ZNF280D: variants seen among roughly 807,000 people sequenced by gnomAD.
The protein encoded by ZNF280D is zinc finger protein 280D.
In ZNF280D, 39 loss-of-function variants were observed where a neutral mutation model predicts 94.7. The observed-to-expected ratio is 0.41, with a 90% CI of 0.32 to 0.54. The LOEUF (loss-of-function observed/expected upper bound fraction) is 0.54, where lower values mean the gene tolerates loss of function less well. Ranked by LOEUF, ZNF280D falls within the 20% of genes least tolerant of loss-of-function variation. The pLI is 0.22. For synonymous variants in ZNF280D, 398 were observed against 377.6 expected, an observed-to-expected ratio of 1.05 and a Z score of -0.63; for missense variants, 1,090 against 1,149.3, an observed-to-expected ratio of 0.95 and a Z score of 0.75.
At chr15:56,679,354 A>G (rs1231594878) in intron 10 of ZNF280D, among the ~76,000 whole-genome samples, 1 of 152,214 alleles carries the variant, frequency 6.6e-6, no homozygotes, top group East Asian at 1.9e-4. Context: ...TAGTATTTTT[A>G]CTTGTATCTT....
At chr15:56,660,201 TG>T (rs1209589813) in intron 16 of ZNF280D, among the ~76,000 whole-genome samples, 1 of 152,152 alleles carries the variant, frequency 6.6e-6, no homozygotes, top group Non-Finnish European at 1.5e-5. Flanking sequence ...TCCAAGATTT[TG>T]TTTGATTACT....
rs1362946452 is a variant in ZNF280D at position 56,669,933 on chromosome 15, AT to A, written c.1411-977del. On this transcript the variant is annotated intron_variant, in intron 13 of 21. Coordinates refer to ENST00000267807, the MANE Select transcript of ZNF280D (RefSeq NM_017661.4). Reference sequence around the variant, plus strand: ...TATATATTATATATATATTATATATATATTATATATATATATTATATATATA... The same window carrying A: ...TATATATTATATATATATTATATATAATTATATATATATATTATATATATA... 3.0e-4 allele frequency among the ~76,000 whole-genome samples: 3 copies of A among 10,068 alleles called. 1 individual carries two copies. The highest frequency in any genetic ancestry group is 1.2e-3 in the African/African-American group (3 of 2,526). 6.6% of individuals were successfully genotyped at this position (10,068 alleles called of 152,430 possible).
intron 1 of ZNF280D, among the ~76,000 whole-genome samples, chr15:56,714,827 T>C (rs1337733658): frequency 6.6e-6 from 1 of 152,214 alleles, no homozygotes. Flanking sequence ...AAATACTTGA[T>C]AATATTAATG....
chr15:56,704,034 C>T, intron 4 of ZNF280D, 87 bp downstream of exon 4: 2 of 1,423,594 alleles, frequency 1.4e-6, no homozygotes, highest in Non-Finnish European at 1.9e-6. Flanking sequence ...GGAACATGAA[C>T]ATCAACTACC....
intron 19 of ZNF280D, chr15:56,645,351 A>C (rs2052828179): frequency 1.3e-5 from 2 of 152,214 alleles, no homozygotes. Context: ...TTTCAATGCA[A>C]AGAGAACAGG....
intron 7 of ZNF280D, among the ~76,000 whole-genome samples, chr15:56,691,755 T>C (rs2056435557): frequency 6.6e-6 from 1 of 152,190 alleles, no homozygotes; most frequent in Non-Finnish European, 1.5e-5. Flanking sequence ...AACTGTATTG[T>C]CAAGTCTTTT....
intron 19 of ZNF280D, among the ~76,000 whole-genome samples, chr15:56,650,690 G>A (rs1476916902): frequency 6.6e-6 from 1 of 152,074 alleles, no homozygotes; most frequent in Admixed American, 6.6e-5. Context: ...TCTGTTAGAG[G>A]AAATTATCAT....
At chr15:56,632,582 A>G (rs536801227) in intron 21 of ZNF280D, among the ~76,000 whole-genome samples, 1 of 145,318 alleles carries the variant, frequency 6.9e-6, no homozygotes, top group African/African-American at 2.6e-5. Flanking sequence ...TGCAGCTTTG[A>G]CCTCCTGGGC....
chr15:56,668,977 A>G lies in ZNF280D; in HGVS notation c.1411-20T>C. 1 of 1,591,936 alleles carries G rather than the reference A, an allele frequency of 6.3e-7. No individual in the cohort carries two copies. Among genetic ancestry groups the G allele is most frequent in the Non-Finnish European group, 8.5e-7 (1 of 1,172,270 alleles). ...TTTTTTCTGTTTAGAAAAAAACAGA[A>G]AAAGGGGGAAAAATAATTTCAAAAA... On this transcript the variant is annotated intron_variant, in intron 13 of 21. Coordinates refer to ENST00000267807, the MANE Select transcript of ZNF280D (RefSeq NM_017661.4).
At chr15:56,697,633 G>T (rs2141151896) in intron 6 of ZNF280D, 1 of 152,288 alleles carries the variant, frequency 6.6e-6, no homozygotes, top group Middle Eastern at 3.4e-3. Context: ...AGACAGTGGT[G>T]CCCTAACTCT....
At chr15:56,658,243 G>A (rs538835948) in intron 17 of ZNF280D, among the ~76,000 whole-genome samples, 181 bp downstream of exon 17, 14 of 152,254 alleles carry the variant, frequency 9.2e-5, no homozygotes, top group Non-Finnish European at 1.5e-4. Context: ...TCTTTCTGGA[G>A]TGATAAAAAT....
chr15:56,712,209 A>C (rs979089008), intron 1 of ZNF280D, among the ~76,000 whole-genome samples: 1 of 152,200 alleles, frequency 6.6e-6, no homozygotes, highest in African/African-American at 2.4e-5. Flanking sequence ...CACCAAAAAA[A>C]ATTTTAACCC....
chr15:56,730,716 C>A (rs1428545165), intron 1 of ZNF280D: 2 of 152,188 alleles, frequency 1.3e-5, no homozygotes, highest in African/African-American at 4.8e-5. Flanking sequence ...AGAAGCATTC[C>A]AAGTTCCCTA....
chr15:56,688,025 C>A (rs1431378247), intron 9 of ZNF280D, among the ~76,000 whole-genome samples: 1 of 152,104 alleles, frequency 6.6e-6, no homozygotes, highest in African/African-American at 2.4e-5. Flanking sequence ...ATCTACACTG[C>A]CTTTTTTCTG....
At chr15:56,697,490 T>A (rs2056825505) in intron 6 of ZNF280D, among the ~76,000 whole-genome samples, 1 of 152,190 alleles carries the variant, frequency 6.6e-6, no homozygotes, top group South Asian at 2.1e-4. Context: ...CAGCCACCTG[T>A]TACATTTTTT....
At position 56,689,046 on chromosome 15, in the gene ZNF280D, T is replaced by C. The variant is rs1417059284; in HGVS notation, c.775A>G (p.Met259Val). The C allele has an allele frequency of 6.3e-7, 1 of 1,594,234 alleles. No homozygotes were observed. Among genetic ancestry groups the C allele is most frequent in the Non-Finnish European group, 8.5e-7 (1 of 1,171,532 alleles). The stretch of plus-strand genomic sequence containing the variant: ...AAATTTTGAAAGAGTTTTACCTTCA[T>C]GTGATTTTTCAAAGGATCCAAAAGA... ...FNLLDPLKNHMKYCCPDMINN... is the reference protein window; with the variant it reads ...FNLLDPLKNHVKYCCPDMINN... Residue 259 changes from methionine to valine, a missense_variant, in exon 9 of 22, where the codon ATG (methionine) becomes GTG (valine). By Grantham distance (21) the Met-to-Val change is conservative. This residue lies in a region of ZNF280D where 386 missense variants were observed against 372.0 expected (regional missense o/e 1.04). Coordinates refer to ENST00000267807, the MANE Select transcript of ZNF280D (RefSeq NM_017661.4).
chr15:56,645,107 C>T (rs1201522641), intron 19 of ZNF280D: 1 of 152,154 alleles, frequency 6.6e-6, no homozygotes, highest in Non-Finnish European at 1.5e-5. Flanking sequence ...ACATCATTAA[C>T]ACTTTTAGAA....
chr15:56,664,893 T>A (rs1222158749), intron 16 of ZNF280D, among the ~76,000 whole-genome samples: 2 of 152,076 alleles, frequency 1.3e-5, no homozygotes, highest in Non-Finnish European at 2.9e-5. Context: ...TCAAAACAGA[T>A]GATCCTGAGA....
intron 14 of ZNF280D, among the ~76,000 whole-genome samples, chr15:56,667,668 G>C (rs1010190902): frequency 6.6e-6 from 1 of 152,022 alleles, no homozygotes; most frequent in Non-Finnish European, 1.5e-5. Context: ...ACCCTCCTCC[G>C]GTATTTGAGG....
Sources: allele counts gnomAD v4.1 joint callset (sites outside exome capture counted in the v4.1 genomes callset), GRCh38; gene constraint gnomAD v4.1.1; regional missense constraint gnomAD v4.1.1; transcripts MANE v1.5; gene names NCBI Gene and HGNC (gene_info 2026-07-23, HGNC 2026-07-21).